ZSCAN25: variants seen among roughly 807,000 people sequenced by gnomAD.
The protein encoded by ZSCAN25 is zinc finger and SCAN domain-containing protein 25.
A neutral mutation model predicts 38.7 loss-of-function variants in ZSCAN25; 27 were observed. The observed-to-expected ratio is 0.70, with a 90% CI of 0.51 to 0.96. The LOEUF (loss-of-function observed/expected upper bound fraction) is 0.96, where lower values mean the gene tolerates loss of function less well. Among genes scored for constraint, ZSCAN25 ranks in the 40% least tolerant of loss-of-function variants. ZSCAN25 has a pLI of 0.00. For missense variants in ZSCAN25, 637 were observed against 705.9 expected (o/e 0.90, Z 1.11); for synonymous variants, 273 against 277.7 (o/e 0.98, Z 0.17).
the ZSCAN25 span, chr7:99,665,088 G>T: frequency 8.2e-7 from 1 of 1,220,510 alleles, no homozygotes; most frequent in Non-Finnish European, 1.1e-6. Flanking sequence ...TTAAGTGGAT[G>T]AATTATACGA....
At chr7:99,683,249 A>G in the ZSCAN25 span, among the ~76,000 whole-genome samples, 1 of 152,252 alleles carries the variant, frequency 6.6e-6, no homozygotes, top group East Asian at 1.9e-4. Context: ...TAATAAGCCA[A>G]GATCTGGCCA....
At chr7:99,687,895 C>A in the ZSCAN25 span, among the ~76,000 whole-genome samples, 2 of 152,164 alleles carry the variant, frequency 1.3e-5, no homozygotes, top group Non-Finnish European at 2.9e-5. Context: ...GAATTTTCAA[C>A]CCAGAATCTC....
At chr7:99,652,605 G>C in the ZSCAN25 span, 1 of 1,614,028 alleles carries the variant, frequency 6.2e-7, no homozygotes, top group Middle Eastern at 1.7e-4. Context: ...TCATGGTGAA[G>C]AGCATAAGTT....
chr7:99,688,191 T>C, the ZSCAN25 span, among the ~76,000 whole-genome samples: 1 of 152,164 alleles, frequency 6.6e-6, no homozygotes, highest in African/African-American at 2.4e-5. Flanking sequence ...TAAATGTAAA[T>C]GGGCTAAATG....
At chr7:99,638,265 C>A in the ZSCAN25 span, 11 of 1,595,590 alleles carry the variant, frequency 6.9e-6, no homozygotes, top group African/African-American at 4.0e-5. Context: ...AGAGGTTAAC[C>A]ATGTGAGCCC....
the ZSCAN25 span, chr7:99,663,927 C>G: frequency 6.5e-7 from 1 of 1,549,792 alleles, no homozygotes; most frequent in Non-Finnish European, 8.6e-7. Context: ...CTAAATTTAT[C>G]AAAACCTAAA....
At chr7:99,665,245 G>C in the ZSCAN25 span, 1 of 1,614,192 alleles carries the variant, frequency 6.2e-7, no homozygotes, top group Admixed American at 1.7e-5. Context: ...CTTGTGGATT[G>C]TTGAGAGAGT....
At chr7:99,652,920 A>T in the ZSCAN25 span, 6 of 663,508 alleles carry the variant, frequency 9.0e-6, no homozygotes, top group Non-Finnish European at 1.3e-5. Flanking sequence ...GAAGTATTTT[A>T]ATAACTGGCA....
At position 99,622,653 on chromosome 7, in the gene ZSCAN25, T is replaced by A; in HGVS notation, c.681+13T>A. ...TGCTGGATCGCAGGTGAGCTCTGACTCCCTTTGCAGAAATCATGACCGTTG... is the reference window on the plus strand; with the variant it reads ...TGCTGGATCGCAGGTGAGCTCTGACACCCTTTGCAGAAATCATGACCGTTG... On this transcript the variant is annotated intron_variant, in intron 6 of 7. Coordinates refer to ENST00000394152, the MANE Select transcript of ZSCAN25 (RefSeq NM_145115.3). 6.2e-7 allele frequency: 1 copy of A among 1,612,736 alleles called. No homozygotes were observed. Among genetic ancestry groups the A allele is most frequent in the Non-Finnish European group, 8.5e-7 (1 of 1,178,986 alleles).
downstream of ZSCAN25, among the ~76,000 whole-genome samples, chr7:99,633,147 A>T (rs145461027): frequency 4.3e-3 from 654 of 152,190 alleles, 7 homozygotes; most frequent in African/African-American, 0.015. Flanking sequence ...CACCATGCCC[A>T]GCTAATCATT....
Position 99,629,384 on chromosome 7 carries a change from C to G in ZSCAN25, c.999C>G (p.Pro333=). ...GLPPPQHGAI[P]LPDEVKTHSS... ...CTCCTCCCCAGCACGGTGCCATCCCCCTGCCTGACGAAGTCAAAACCCACA... is the reference window on the plus strand; with the variant it reads ...CTCCTCCCCAGCACGGTGCCATCCCGCTGCCTGACGAAGTCAAAACCCACA... The change falls in exon 8 of 8, where the codon CCC becomes CCG. Residue 333 remains proline (P), a synonymous_variant. Transcript: ENST00000394152. This position sits in a 1 kb window ranked among gnomAD's most constrained non-coding sequence, Gnocchi z 5.6. 6.2e-7 allele frequency: 1 copy of G among 1,614,236 alleles called. No homozygotes were observed. Among genetic ancestry groups the G allele is most frequent in the Non-Finnish European group, 8.5e-7 (1 of 1,180,040 alleles).
Position 99,631,443 on chromosome 7 carries a change from T to G in ZSCAN25, c.*1423T>G. On this transcript the variant is annotated 3_prime_UTR_variant, in exon 8 of 8. Coordinates refer to ENST00000394152, the MANE Select transcript of ZSCAN25 (RefSeq NM_145115.3). ...ATTGTGCCATCACTTAAGGGTTTCA[T>G]TTCTGTTTAAAGTTCTGGAAGCTGC... 1 of 985,422 alleles carries G rather than the reference T, an allele frequency of 1.0e-6. No homozygotes were observed. Among genetic ancestry groups the G allele is most frequent in the African/African-American group, 1.7e-5 (1 of 57,366 alleles). 61.0% of individuals were successfully genotyped at this position (985,422 alleles called of 1,614,324 possible). A position where few individuals can be genotyped will look rare whatever the true frequency, so the allele number is the denominator to read the frequency against.
chr7:99,720,220 G>GC, the ZSCAN25 span: 1 of 1,519,506 alleles, frequency 6.6e-7, no homozygotes, highest in African/African-American at 1.4e-5. Context: ...TTCCTGCACA[G>GC]TTTTTAGGCA....
the ZSCAN25 span, among the ~76,000 whole-genome samples, chr7:99,656,815 T>G: frequency 6.6e-6 from 1 of 152,088 alleles, no homozygotes; most frequent in African/African-American, 2.4e-5. Context: ...CTTGGGAGAG[T>G]GTATGTGTCG....
chr7:99,655,694 A>T, the ZSCAN25 span, among the ~76,000 whole-genome samples: 4 of 152,268 alleles, frequency 2.6e-5, no homozygotes, highest in East Asian at 7.7e-4. Flanking sequence ...CATGATATTG[A>T]TTCTTCCTAC....
At chr7:99,643,987 C>T in the ZSCAN25 span, among the ~76,000 whole-genome samples, 10,256 of 151,944 alleles carry the variant, frequency 0.067, 486 homozygotes, top group African/African-American at 0.12. Flanking sequence ...GGGGCTCTGA[C>T]AAGCACACAC....
the ZSCAN25 span, among the ~76,000 whole-genome samples, chr7:99,675,549 C>T: frequency 1.3e-5 from 2 of 151,254 alleles, no homozygotes; most frequent in Non-Finnish European, 2.9e-5. Context: ...TGTGACTTTC[C>T]CTCCAGGGGT....
chr7:99,703,680 G>A, the ZSCAN25 span, among the ~76,000 whole-genome samples: 1 of 152,052 alleles, frequency 6.6e-6, no homozygotes, highest in Non-Finnish European at 1.5e-5. Flanking sequence ...TGAGAAGCCT[G>A]GCTTCTATCA....
At chr7:99,645,653 G>C in the ZSCAN25 span, among the ~76,000 whole-genome samples, 1 of 151,966 alleles carries the variant, frequency 6.6e-6, no homozygotes, top group Non-Finnish European at 1.5e-5. Flanking sequence ...CATTCTGACT[G>C]GTGTTAGATG....
Sources: allele counts gnomAD v4.1 joint callset (sites outside exome capture counted in the v4.1 genomes callset), GRCh38; gene constraint gnomAD v4.1.1; non-coding constraint Gnocchi (gnomAD v3.1); transcripts MANE v1.5; gene names NCBI Gene and HGNC (gene_info 2026-07-23, HGNC 2026-07-21).